Variants in DNAH14 observed in about 807,000 individuals in gnomAD.
The protein encoded by DNAH14 is axonemal beta dynein heavy chain 14.
In DNAH14, 478 loss-of-function variants were observed where a neutral mutation model predicts 520.9. The observed-to-expected ratio is 0.92, with a 90% CI of 0.85 to 0.99. The LOEUF is 0.99. DNAH14 is among the 50% of genes least tolerant of loss of function. The probability of loss-of-function intolerance (pLI) is 0.00; values close to 1 mark genes in which losing one functional copy is unlikely to be tolerated. For missense variants in DNAH14, 4,831 were observed against 5,234.5 expected (o/e 0.92, Z 2.38); for synonymous variants, 1,581 against 1,757.2 (o/e 0.90, Z 2.51).
At chr1:225,288,460 G>GA (rs2093796233) in intron 54 of DNAH14, among the ~76,000 whole-genome samples, 1 of 151,886 alleles carries the variant, frequency 6.6e-6, no homozygotes, top group Non-Finnish European at 1.5e-5. Context: ...AACAAGATCT[G>GA]AAAAAAGTAT....
In DNAH14 at chr1:225,374,973, T is replaced by C. The variant is rs977347543; in HGVS notation, c.12516+88T>C. 8.8e-6 allele frequency: 11 copies of C among 1,251,906 alleles called. No homozygotes were observed. The African/African-American group carries it at 1.7e-4, about 19-fold the overall frequency. 77.5% of individuals were successfully genotyped at this position (1,251,906 alleles called of 1,614,324 possible). ...TTTAAAATACATATTTAAATAAATT[T>C]TGATGTTCATTTTTAAAGGCTTTTA... On this transcript the variant is annotated intron_variant, in intron 78 of 85. Coordinates refer to ENST00000682510, the MANE Select transcript of DNAH14 (RefSeq NM_001367479.1).
At chr1:225,112,795 T>TACA (rs1421158164) in intron 23 of DNAH14, among the ~76,000 whole-genome samples, 1 of 152,108 alleles carries the variant, frequency 6.6e-6, no homozygotes, top group African/African-American at 2.4e-5. Context: ...GTATGTCAAT[T>TACA]GCATTTTTCA....
chr1:224,987,049 AAAAG>A (rs1385485324), intron 8 of DNAH14, among the ~76,000 whole-genome samples: 2 of 152,186 alleles, frequency 1.3e-5, no homozygotes, highest in Admixed American at 6.5e-5. Flanking sequence ...AATAATCTGA[AAAAG>A]AAATCCAGAA....
chr1:225,162,195 G>C (rs1431869497), intron 35 of DNAH14, among the ~76,000 whole-genome samples: 1 of 152,152 alleles, frequency 6.6e-6, no homozygotes, highest in Non-Finnish European at 1.5e-5. Flanking sequence ...TATGACAAGA[G>C]ATAGGGGTCT....
intron 8 of DNAH14, among the ~76,000 whole-genome samples, chr1:224,977,637 C>G (rs1041516765): frequency 1.4e-4 from 22 of 152,212 alleles, no homozygotes; most frequent in African/African-American, 5.3e-4. Flanking sequence ...TAAATAGGTA[C>G]AGCTTTTTGC....
rs557722239 is a variant in DNAH14 at position 225,280,903 on chromosome 1, A to C, written c.8271+3401A>C. ...TATGTTCAAGAAAACTATTTTAAAA[A>C]TGAAATAAAGATATTTCCAGATAAA... is the stretch of plus-strand genomic sequence containing the variant. On this transcript the variant is annotated intron_variant, in intron 54 of 85. Coordinates refer to ENST00000682510, the MANE Select transcript of DNAH14 (RefSeq NM_001367479.1). Among the ~76,000 whole-genome samples, 11 of 152,330 alleles carry C rather than the reference A, an allele frequency of 7.2e-5. No individual in the cohort carries two copies. The East Asian group carries it at 9.7e-4, about 13-fold the overall frequency.
chr1:225,072,530 C>T (rs2071665054), intron 17 of DNAH14, among the ~76,000 whole-genome samples: 1 of 152,186 alleles, frequency 6.6e-6, no homozygotes, highest in South Asian at 2.1e-4. Context: ...CTGAATTCTA[C>T]TTCAGCCATC....
intron 17 of DNAH14, among the ~76,000 whole-genome samples, chr1:225,059,580 T>C (rs1402255813): frequency 6.6e-6 from 1 of 152,274 alleles, no homozygotes; most frequent in Admixed American, 6.5e-5. Context: ...TGATGTTAGC[T>C]GGTTATTTTG....
intron 38 of DNAH14, among the ~76,000 whole-genome samples, chr1:225,199,263 A>G (rs1405443494): frequency 6.6e-6 from 1 of 151,912 alleles, no homozygotes; most frequent in African/African-American, 2.4e-5. Context: ...CTAATGGTCT[A>G]TCAATTTTAT....
At chr1:225,126,471 C>A (rs1197998829) in intron 27 of DNAH14, among the ~76,000 whole-genome samples, 1 of 152,156 alleles carries the variant, frequency 6.6e-6, no homozygotes, top group Non-Finnish European at 1.5e-5. Context: ...TCCATTTCTT[C>A]TAGATTTTCT....
intron 55 of DNAH14, among the ~76,000 whole-genome samples, chr1:225,300,054 A>G (rs567779359): frequency 3.3e-5 from 5 of 152,344 alleles, no homozygotes; most frequent in African/African-American, 1.2e-4. Context: ...TACATTTATA[A>G]TAACTCTTCT....
intron 1 of DNAH14, among the ~76,000 whole-genome samples, chr1:224,945,735 T>C (rs1305129822): frequency 6.3e-4 from 96 of 152,362 alleles, no homozygotes; most frequent in Admixed American, 2.4e-3. Flanking sequence ...GCAGGTCTGT[T>C]GGAGTTTGCT....
intron 27 of DNAH14, among the ~76,000 whole-genome samples, chr1:225,129,480 A>G (rs1277463296): frequency 4.6e-5 from 7 of 152,008 alleles, no homozygotes; most frequent in Non-Finnish European, 1.0e-4. Context: ...ATATAGATCA[A>G]TGGAACAGAA....
intron 42 of DNAH14, among the ~76,000 whole-genome samples, chr1:225,239,964 C>T (rs965604352): frequency 5.3e-5 from 8 of 152,156 alleles, no homozygotes; most frequent in Admixed American, 3.9e-4. Context: ...TCACCATCAC[C>T]ATAGAATTTC....
rs192301134 is a variant in DNAH14 at position 225,365,935 on chromosome 1, C to G, written c.12090+1041C>G. Among the ~76,000 whole-genome samples the G allele has an allele frequency of 3.9e-5, 6 of 152,268 alleles. No individual in the cohort carries two copies. The East Asian group carries it at 1.2e-3, about 29-fold the overall frequency. On this transcript the variant is annotated intron_variant, in intron 76 of 85. Coordinates refer to ENST00000682510, the MANE Select transcript of DNAH14 (RefSeq NM_001367479.1). ...GGCTATAATTAGTGCATACATAAAA[C>G]TTTATGGGAGTTTTTCATATGCCAT...
chr1:225,320,564 T>C (rs1215810648), intron 61 of DNAH14, among the ~76,000 whole-genome samples: 6 of 152,218 alleles, frequency 3.9e-5, no homozygotes, highest in African/African-American at 9.6e-5. Flanking sequence ...TGATCTCCAT[T>C]GCTATTCTTG....
intron 23 of DNAH14, among the ~76,000 whole-genome samples, chr1:225,106,394 C>T (rs1367392624): frequency 1.3e-5 from 2 of 151,740 alleles, no homozygotes; most frequent in Non-Finnish European, 1.5e-5. Flanking sequence ...ATCTTTGTGG[C>T]GTTCTCTGTA....
At chr1:225,125,792 A>T (rs2077668223) in intron 27 of DNAH14, among the ~76,000 whole-genome samples, 1 of 152,210 alleles carries the variant, frequency 6.6e-6, no homozygotes, top group African/African-American at 2.4e-5. Context: ...TTGGCAGAAG[A>T]GGCCTAGCTT....
intron 72 of DNAH14, 67 bp from the exon 73 acceptor site, chr1:225,353,736 T>G: frequency 1.2e-6 from 1 of 827,464 alleles, no homozygotes. Flanking sequence ...ATTTTCATTG[T>G]GATATGTTTT....
Sources: gnomAD v4.1 joint callset for allele counts (sites outside exome capture counted in the v4.1 genomes callset) on GRCh38, gnomAD v4.1.1 for gene constraint, MANE v1.5 for transcripts, NCBI Gene and HGNC (gene_info 2026-07-23, HGNC 2026-07-21) for gene names.